The following TRPM3 variants were observed in gnomAD, a reference collection of about 807,000 sequenced individuals.
TRPM3 encodes long transient receptor potential channel 3.
TRPM3 carries 77 observed loss-of-function variants against 181.2 expected under a neutral mutation model. The ratio of observed to expected loss-of-function variants is 0.42; its 90% CI spans 0.35 to 0.51. The LOEUF is 0.51. Among genes scored for constraint, TRPM3 ranks in the 20% least tolerant of loss-of-function variants. The pLI, the probability that TRPM3 is intolerant of heterozygous loss-of-function variation, is 0.01. For synonymous variants in TRPM3, 745 were observed against 796.4 expected (o/e 0.94, Z 1.09); for missense variants, 1,759 against 2,196.7 (o/e 0.80, Z 3.98).
chr9:70,627,265 C>CTT (rs1175860330), intron 12 of TRPM3, among the ~76,000 whole-genome samples: 12,504 of 79,642 alleles, frequency 0.16, 1,551 homozygotes, highest in East Asian at 0.35. Flanking sequence ...TCCATTGCTG[C>CTT]TTTTTTTTTT....
intron 1 of TRPM3, among the ~76,000 whole-genome samples, chr9:71,315,371 T>C (rs1588448829): frequency 6.6e-6 from 1 of 152,330 alleles, no homozygotes; most frequent in African/African-American, 2.4e-5. Context: ...AAACCAGTTA[T>C]TGCTTTTATA....
intron 6 of TRPM3, among the ~76,000 whole-genome samples, chr9:70,802,055 C>T (rs1013255472): frequency 1.3e-5 from 2 of 152,214 alleles, no homozygotes; most frequent in African/African-American, 2.4e-5. Context: ...TGAGAATGTA[C>T]ATTTCAAGGA....
intron 1 of TRPM3, among the ~76,000 whole-genome samples, chr9:71,238,283 CT>C (rs1233471380): frequency 6.6e-6 from 1 of 151,950 alleles, no homozygotes; most frequent in Non-Finnish European, 1.5e-5. Flanking sequence ...TTAAGTCTGG[CT>C]TCCTTCCCTA....
chr9:71,229,226 C>A (rs1489800830), intron 1 of TRPM3, among the ~76,000 whole-genome samples: 1 of 152,090 alleles, frequency 6.6e-6, no homozygotes, highest in Non-Finnish European at 1.5e-5. Context: ...GAATGACATT[C>A]TTTTTAATCA....
At chr9:70,759,225 T>C (rs146608648) in intron 8 of TRPM3, among the ~76,000 whole-genome samples, 2 of 152,012 alleles carry the variant, frequency 1.3e-5, no homozygotes, top group East Asian at 1.9e-4. Context: ...AACAAACATA[T>C]GGAAAAAAGC....
chr9:71,082,314 A>G (rs978844690), intron 1 of TRPM3, among the ~76,000 whole-genome samples: 2 of 152,210 alleles, frequency 1.3e-5, no homozygotes, highest in African/African-American at 4.8e-5. Flanking sequence ...TGTTGAAAAT[A>G]AAAGTTAGGA....
intron 1 of TRPM3, among the ~76,000 whole-genome samples, chr9:71,232,489 G>GTTTT (rs1565367207): frequency 1.0e-4 from 9 of 89,956 alleles, no homozygotes; most frequent in Non-Finnish European, 1.3e-4. Context: ...TGAATTCAGT[G>GTTTT]TCTTTTTTTT....
At chr9:70,695,857 G>C (rs1222942509) in intron 8 of TRPM3, among the ~76,000 whole-genome samples, 1 of 152,180 alleles carries the variant, frequency 6.6e-6, no homozygotes, top group Admixed American at 6.5e-5. Context: ...GAACCATGCA[G>C]GCGGAAAGGC....
intron 1 of TRPM3, among the ~76,000 whole-genome samples, chr9:70,945,376 GTAGTTGGTCTGTTATATAT>G (rs986588591): frequency 1.6e-4 from 24 of 152,264 alleles, no homozygotes; most frequent in African/African-American, 5.8e-4. Context: ...TTGCTATAAG[GTAGTTGGTCTGTTATATAT>G]TTGTCAAATA....
chr9:71,357,619 G>A (rs181261769), intron 1 of TRPM3, among the ~76,000 whole-genome samples: 1 of 152,068 alleles, frequency 6.6e-6, no homozygotes, highest in East Asian at 1.9e-4. Context: ...CTGTGGTCAT[G>A]TGACACACCA....
chr9:70,914,940 C>A (rs1460482540), intron 1 of TRPM3, among the ~76,000 whole-genome samples: 1 of 152,160 alleles, frequency 6.6e-6, no homozygotes, highest in Non-Finnish European at 1.5e-5. Context: ...GATTACAACA[C>A]CCAAGTCCTT....
At chr9:70,903,341 G>A (rs190100409) in intron 1 of TRPM3, among the ~76,000 whole-genome samples, 1 of 152,264 alleles carries the variant, frequency 6.6e-6, no homozygotes, top group Non-Finnish European at 1.5e-5. Flanking sequence ...ACAGAGAAAT[G>A]AGTGACACAT....
intron 1 of TRPM3, among the ~76,000 whole-genome samples, chr9:71,355,080 T>C (rs115081308): frequency 9.2e-5 from 14 of 152,354 alleles, no homozygotes; most frequent in African/African-American, 3.1e-4. Flanking sequence ...AATGGGAACA[T>C]AATTAGCCAC....
intron 1 of TRPM3, among the ~76,000 whole-genome samples, chr9:70,958,817 C>CA (rs1394147801): frequency 4.0e-5 from 6 of 151,408 alleles, no homozygotes; most frequent in Admixed American, 1.3e-4. Flanking sequence ...CCATGGAATA[C>CA]TATGTAGCCA....
At chr9:70,742,688 A>G (rs2074379545) in intron 8 of TRPM3, among the ~76,000 whole-genome samples, 1 of 152,154 alleles carries the variant, frequency 6.6e-6, no homozygotes, top group South Asian at 2.1e-4. Flanking sequence ...GTAGACTTAG[A>G]CAAATCTCAC....
chr9:71,133,318 G>C (rs950426890), intron 1 of TRPM3, among the ~76,000 whole-genome samples: 83 of 6,574 alleles, frequency 0.013, no homozygotes, highest in Non-Finnish European at 0.04. Context: ...TTTTGAGACA[G>C]AGTTTTGCTC....
intron 1 of TRPM3, among the ~76,000 whole-genome samples, chr9:70,930,332 T>C (rs2096763260): frequency 1.3e-5 from 2 of 152,204 alleles, no homozygotes; most frequent in Non-Finnish European, 2.9e-5. Flanking sequence ...GTCAACTTAA[T>C]GCAGATTACA....
intron 22 of TRPM3, among the ~76,000 whole-genome samples, chr9:70,589,827 CGTACCG>C (rs2057809555): frequency 6.6e-6 from 1 of 152,182 alleles, no homozygotes. Flanking sequence ...GAATAAATGA[CGTACCG>C]GTGTGTTCTG....
At chr9:71,163,195 TG>T (rs2134722911) in intron 1 of TRPM3, among the ~76,000 whole-genome samples, 1 of 152,088 alleles carries the variant, frequency 6.6e-6, no homozygotes, top group African/African-American at 2.4e-5. Context: ...AAGGTCACAG[TG>T]TGAAGAATAG....
Sources: gnomAD v4.1 joint callset for allele counts (sites outside exome capture counted in the v4.1 genomes callset) on GRCh38, gnomAD v4.1.1 for gene constraint, MANE v1.5 for transcripts, NCBI Gene and HGNC (gene_info 2026-07-23, HGNC 2026-07-21) for gene names.